Variants in PLD5 observed in about 807,000 individuals in gnomAD.
PLD5 encodes the protein inactive phospholipase D5.
Under a neutral mutation model 61.1 loss-of-function variants are expected in PLD5, and 36 were observed. The ratio of observed to expected loss-of-function variants is 0.59; its 90% CI spans 0.45 to 0.78. PLD5 has a LOEUF of 0.78. PLD5 is among the 30% of genes least tolerant of loss of function. The pLI, the probability that PLD5 is intolerant of heterozygous loss-of-function variation, is 0.00. For synonymous variants in PLD5, 243 were observed against 242.8 expected, an observed-to-expected ratio of 1.00 and a Z score of -0.01; for missense variants, 515 against 644.4, an observed-to-expected ratio of 0.80 and a Z score of 2.17.
intron 1 of PLD5, among the ~76,000 whole-genome samples, chr1:242,466,499 T>C (rs1406492879): frequency 2.0e-5 from 3 of 152,108 alleles, no homozygotes; most frequent in Non-Finnish European, 4.4e-5. Context: ...AAGAAGGAAA[T>C]TCTTGTCATT....
chr1:242,211,326 T>C (rs539905523), intron 5 of PLD5, among the ~76,000 whole-genome samples: 15 of 152,326 alleles, frequency 9.8e-5, no homozygotes, highest in African/African-American at 3.1e-4. Flanking sequence ...AATCCTTACC[T>C]TGAGTTAGTA....
At chr1:242,346,605 C>T (rs1366365588) in intron 2 of PLD5, among the ~76,000 whole-genome samples, 3 of 152,164 alleles carry the variant, frequency 2.0e-5, no homozygotes, top group African/African-American at 4.8e-5. Context: ...CATCCAAATC[C>T]AGTCTGAGAA....
intron 2 of PLD5, among the ~76,000 whole-genome samples, chr1:242,301,386 C>G (rs1444326292): frequency 6.6e-6 from 1 of 152,176 alleles, no homozygotes; most frequent in Non-Finnish European, 1.5e-5. Flanking sequence ...AATATGCCAC[C>G]TGAAAATATG....
chr1:242,509,819 G>T (rs1464552211), intron 1 of PLD5, among the ~76,000 whole-genome samples: 1 of 152,182 alleles, frequency 6.6e-6, no homozygotes. Context: ...GAGAAGACAG[G>T]AATTACTCGG....
At chr1:242,099,465 A>G (rs1368682013) in intron 9 of PLD5, among the ~76,000 whole-genome samples, 3 of 152,136 alleles carry the variant, frequency 2.0e-5, no homozygotes, top group African/African-American at 7.2e-5. Flanking sequence ...CTCTCTTCTA[A>G]TGTGATATTG....
intron 5 of PLD5, among the ~76,000 whole-genome samples, chr1:242,194,158 G>T (rs1668455900): frequency 1.3e-5 from 2 of 152,114 alleles, no homozygotes; most frequent in South Asian, 2.1e-4. Context: ...CAACCAAAAA[G>T]GTTGCCCTGG....
chr1:242,249,819 C>G (rs1672601046), intron 4 of PLD5, among the ~76,000 whole-genome samples: 1 of 152,176 alleles, frequency 6.6e-6, no homozygotes, highest in South Asian at 2.1e-4. Context: ...TGAATTATAT[C>G]AACCTTTCAA....
At chr1:242,111,659 G>A (rs1661514966) in intron 7 of PLD5, among the ~76,000 whole-genome samples, 1 of 151,638 alleles carries the variant, frequency 6.6e-6, no homozygotes, top group Non-Finnish European at 1.5e-5. Context: ...AGCTTTTCTG[G>A]GACTAGATAA....
intron 5 of PLD5, among the ~76,000 whole-genome samples, chr1:242,143,982 G>A (rs1168930838): frequency 8.0e-5 from 12 of 150,222 alleles, no homozygotes; most frequent in Non-Finnish European, 3.0e-5. Flanking sequence ...CGATTCTCAT[G>A]CCTCAGCCTC....
chr1:242,402,261 C>T (rs61845869), intron 1 of PLD5, among the ~76,000 whole-genome samples: 22,063 of 152,148 alleles, frequency 0.15, 1,706 homozygotes, highest in African/African-American at 0.2. Flanking sequence ...TTATCACTTC[C>T]ACCAGAAAAA....
chr1:242,447,986 C>T (rs574777344), intron 1 of PLD5, among the ~76,000 whole-genome samples: 32 of 152,258 alleles, frequency 2.1e-4, no homozygotes, highest in Admixed American at 1.9e-3. Flanking sequence ...CAAAACATTC[C>T]GAAGCACTCA....
intron 5 of PLD5, among the ~76,000 whole-genome samples, chr1:242,215,332 C>T (rs971269222): frequency 6.6e-6 from 1 of 151,966 alleles, no homozygotes; most frequent in South Asian, 2.1e-4. Flanking sequence ...CGTATAACCC[C>T]CAAGGACAAG....
intron 1 of PLD5, among the ~76,000 whole-genome samples, chr1:242,506,968 C>G (rs1005258348): frequency 3.9e-5 from 6 of 152,144 alleles, no homozygotes; most frequent in African/African-American, 1.4e-4. Flanking sequence ...CCACCACCAC[C>G]GTCCTCAGTA....
At chr1:242,427,353 C>T (rs1366776963) in intron 1 of PLD5, among the ~76,000 whole-genome samples, 1 of 152,158 alleles carries the variant, frequency 6.6e-6, no homozygotes, top group Non-Finnish European at 1.5e-5. Flanking sequence ...AATATTGTCA[C>T]CTTGGTGCAT....
chr1:242,323,364 T>G (rs1658543796), intron 2 of PLD5, among the ~76,000 whole-genome samples: 1 of 151,458 alleles, frequency 6.6e-6, no homozygotes. Context: ...TAGGTAACTG[T>G]TTTTTTTGTA....
Position 242,524,267 on chromosome 1 carries a change from G to T in PLD5, c.10C>A (p.Arg4=). The T allele has an allele frequency of 6.7e-7, 1 of 1,481,580 alleles. No homozygotes were observed. 91.8% of individuals were successfully genotyped at this position (1,481,580 alleles called of 1,614,324 possible). The part of the protein sequence containing the change: MEI[R]QHEWLSASPH... ...GAGGCCGAGAGCCACTCGTGCTGCC[G>T]GATCTCCATCCTGACATGACCGGGC... Residue 4 remains arginine (R), a synonymous_variant, in exon 1 of 10, where the codon CGG becomes AGG. Coordinates refer to ENST00000536534, the MANE Select transcript of PLD5 (RefSeq NM_001372062.1).
At chr1:242,515,199 C>CGTGT (rs139035471) in intron 1 of PLD5, among the ~76,000 whole-genome samples, 213 of 149,134 alleles carry the variant, frequency 1.4e-3, no homozygotes, top group African/African-American at 4.0e-3. Context: ...TTTGTGTGTG[C>CGTGT]GTGTGTGTGT....
At chr1:242,228,397 A>G (rs1420001325) in intron 4 of PLD5, among the ~76,000 whole-genome samples, 1 of 152,194 alleles carries the variant, frequency 6.6e-6, no homozygotes, top group Non-Finnish European at 1.5e-5. Flanking sequence ...CACCCGCAGG[A>G]CACAGAATGG....
At chr1:242,252,872 A>C (rs893531787) in intron 4 of PLD5, among the ~76,000 whole-genome samples, 2 of 137,560 alleles carry the variant, frequency 1.5e-5, no homozygotes, top group Non-Finnish European at 3.0e-5. Context: ...GCTGGAGTGC[A>C]GTGGTGTGAT....
Sources: allele counts gnomAD v4.1 joint callset (sites outside exome capture counted in the v4.1 genomes callset), GRCh38; gene constraint gnomAD v4.1.1; transcripts MANE v1.5; gene names NCBI Gene and HGNC (gene_info 2026-07-23, HGNC 2026-07-21).